The following MECOM variants were observed in gnomAD, a reference collection of about 807,000 sequenced individuals.
MECOM encodes histone-lysine N-methyltransferase MECOM.
MECOM carries 13 observed loss-of-function variants against 116.3 expected under a neutral mutation model. The observed-to-expected ratio is 0.11, with a 90% CI of 0.07 to 0.18. The LOEUF is 0.18. Ranked by LOEUF, MECOM falls within the 10% of genes least tolerant of loss-of-function variation. The pLI is 1.00. For missense variants in MECOM, 1,299 were observed against 1,509.0 expected (o/e 0.86, Z 2.31); for synonymous variants, 528 against 535.2 (o/e 0.99, Z 0.19).
chr3:169,110,532 C>A (rs1266055775), intron 9 of MECOM, among the ~76,000 whole-genome samples: 1 of 152,114 alleles, frequency 6.6e-6, no homozygotes, highest in Non-Finnish European at 1.5e-5. Context: ...TTTATAAAAA[C>A]AATGAAATAT....
At chr3:169,590,509 C>T (rs1263348960) in intron 1 of MECOM, among the ~76,000 whole-genome samples, 1 of 152,100 alleles carries the variant, frequency 6.6e-6, no homozygotes, top group Non-Finnish European at 1.5e-5. Context: ...AATGGAGAAC[C>T]AGAATAAGAA....
intron 1 of MECOM, among the ~76,000 whole-genome samples, chr3:169,433,223 C>G (rs942007996): frequency 6.6e-6 from 1 of 152,172 alleles, no homozygotes; most frequent in Non-Finnish European, 1.5e-5. Flanking sequence ...AATCACAGCA[C>G]TTTGGGAGGC....
At chr3:169,463,105 A>G (rs191401285) in intron 1 of MECOM, among the ~76,000 whole-genome samples, 1 of 152,168 alleles carries the variant, frequency 6.6e-6, no homozygotes, top group Admixed American at 6.5e-5. Context: ...GCACACATTT[A>G]TATGTCTGTG....
chr3:169,265,033 G>GAA (rs61350095), intron 2 of MECOM, among the ~76,000 whole-genome samples: 1 of 138,638 alleles, frequency 7.2e-6, no homozygotes, highest in Non-Finnish European at 1.6e-5. Flanking sequence ...CAGCAAAACA[G>GAA]AAAAAAAAAA....
chr3:169,296,931 G>T (rs1715721478), intron 2 of MECOM, among the ~76,000 whole-genome samples: 1 of 152,130 alleles, frequency 6.6e-6, no homozygotes, highest in Non-Finnish European at 1.5e-5. Flanking sequence ...CTCATTGGTG[G>T]CTATTACTTT....
At chr3:169,146,548 C>T (rs767415314) in intron 2 of MECOM, 1 of 1,377,458 alleles carries the variant, frequency 7.3e-7, no homozygotes, top group Non-Finnish European at 9.6e-7. Flanking sequence ...AGGAAATCGC[C>T]CGGCTTAGCA....
At chr3:169,098,280 G>C (rs1034191729) in intron 12 of MECOM, among the ~76,000 whole-genome samples, 1 of 152,124 alleles carries the variant, frequency 6.6e-6, no homozygotes, top group Non-Finnish European at 1.5e-5. Flanking sequence ...ATTGCATTTA[G>C]CTGTCATGTC....
At chr3:169,379,473 A>C (rs1169714243) in intron 2 of MECOM, among the ~76,000 whole-genome samples, 1 of 152,106 alleles carries the variant, frequency 6.6e-6, no homozygotes, top group Non-Finnish European at 1.5e-5. Context: ...TAATGAAAAA[A>C]ATCATTTTAC....
intron 2 of MECOM, among the ~76,000 whole-genome samples, chr3:169,349,242 T>TTAG (rs1725890116): frequency 1.3e-5 from 2 of 152,008 alleles, no homozygotes; most frequent in Non-Finnish European, 2.9e-5. Flanking sequence ...CTTCTTGCTC[T>TTAG]TTTTCTTTTT....
intron 3 of MECOM, among the ~76,000 whole-genome samples, chr3:169,143,393 T>C (rs910851043): frequency 1.3e-5 from 2 of 152,216 alleles, no homozygotes; most frequent in South Asian, 2.1e-4. Context: ...GTACCTACTA[T>C]GATAGCAAAG....
At chr3:169,568,673 C>T (rs1371847329) in intron 1 of MECOM, among the ~76,000 whole-genome samples, 5 of 152,208 alleles carry the variant, frequency 3.3e-5, no homozygotes, top group African/African-American at 1.2e-4. Flanking sequence ...CTCTAGATTC[C>T]TCATCTCTGG....
chr3:169,170,403 CAAAAAAAAAA>C (rs71634426), intron 2 of MECOM, among the ~76,000 whole-genome samples: 2 of 74,364 alleles, frequency 2.7e-5, no homozygotes, highest in African/African-American at 1.0e-4. Flanking sequence ...AAGACTCTGT[CAAAAAAAAAA>C]AAAAAAAAAA....
intron 8 of MECOM, among the ~76,000 whole-genome samples, chr3:169,114,145 T>C (rs1728347421): frequency 6.6e-6 from 1 of 152,162 alleles, no homozygotes; most frequent in African/African-American, 2.4e-5. Context: ...AATACGACTT[T>C]ACCCGAAATG....
At chr3:169,475,359 A>C (rs1364747604) in intron 1 of MECOM, among the ~76,000 whole-genome samples, 1 of 152,182 alleles carries the variant, frequency 6.6e-6, no homozygotes, top group African/African-American at 2.4e-5. Flanking sequence ...AGACGGTTGA[A>C]GTGTTTTTTT....
chr3:169,131,464 T>G lies in MECOM; in HGVS notation c.578A>C (p.Asp193Ala). 6.2e-7 allele frequency: 1 copy of G among 1,614,014 alleles called. No individual in the cohort carries two copies. Among genetic ancestry groups the G allele is most frequent in the Non-Finnish European group, 8.5e-7 (1 of 1,180,000 alleles). The change falls in exon 4 of 17, where the codon GAC (aspartate) becomes GCC (alanine). Residue 193 changes from aspartate to alanine, a missense_variant. Coordinates refer to ENST00000651503, the MANE Select transcript of MECOM (RefSeq NM_004991.4). ...CGGCGCCATAGTTTCATGGGGATAG[T>G]CTTCGCTCTTCATGAACAGCAGAAG... ...EELLLFMKSE[D>A]YPHETMAPDI...
At chr3:169,360,319 CAAA>C in intron 2 of MECOM, among the ~76,000 whole-genome samples, 1 of 87,840 alleles carries the variant, frequency 1.1e-5, no homozygotes, top group Non-Finnish European at 2.2e-5. Context: ...AAAGTTACAC[CAAA>C]AAAAAAAAAG....
chr3:169,639,212 C>T (rs1773171437), intron 1 of MECOM, among the ~76,000 whole-genome samples: 2 of 151,968 alleles, frequency 1.3e-5, no homozygotes, highest in South Asian at 4.1e-4. Context: ...ATTAATATGG[C>T]ATTATTCCAA....
At chr3:169,549,260 C>T (rs1761089673) in intron 1 of MECOM, among the ~76,000 whole-genome samples, 1 of 152,140 alleles carries the variant, frequency 6.6e-6, no homozygotes. Context: ...GTGTGAGTCA[C>T]CGTGCCCGGC....
intron 1 of MECOM, among the ~76,000 whole-genome samples, chr3:169,639,826 A>G (rs1304864199): frequency 6.6e-6 from 1 of 152,240 alleles, no homozygotes; most frequent in Non-Finnish European, 1.5e-5. Flanking sequence ...TATGACATGC[A>G]CTATATCAGT....
Sources: gnomAD v4.1 joint callset for allele counts (sites outside exome capture counted in the v4.1 genomes callset) on GRCh38, gnomAD v4.1.1 for gene constraint, MANE v1.5 for transcripts, NCBI Gene and HGNC (gene_info 2026-07-23, HGNC 2026-07-21) for gene names.